Variants in FOXK1 observed in about 807,000 individuals in gnomAD.
The protein encoded by FOXK1 is forkhead box K1.
Under a neutral mutation model 51.9 loss-of-function variants are expected in FOXK1, and 19 were observed. The observed-to-expected ratio is 0.37, with a 90% confidence interval of 0.26 to 0.54. The LOEUF is 0.54. Ranked by LOEUF, FOXK1 falls within the 20% of genes least tolerant of loss-of-function variation. The probability of loss-of-function intolerance (pLI) is 0.87; values close to 1 mark genes in which losing one functional copy is unlikely to be tolerated. For synonymous variants in FOXK1, 537 were observed against 482.6 expected (o/e 1.11, Z -1.48); for missense variants, 870 against 1,032.7 (o/e 0.84, Z 2.16).
At chr7:4,699,206 C>T (rs549147754) in intron 1 of FOXK1, among the ~76,000 whole-genome samples, 86 of 152,060 alleles carry the variant, frequency 5.7e-4, no homozygotes, top group African/African-American at 2.1e-3. Flanking sequence ...TACATTTGTC[C>T]GATTTGACAA....
intron 1 of FOXK1, among the ~76,000 whole-genome samples, chr7:4,708,022 G>C (rs1780126613): frequency 1.3e-5 from 2 of 151,974 alleles, no homozygotes; most frequent in Admixed American, 1.3e-4. Flanking sequence ...AAATGTGGAG[G>C]GAGAGAGTGC....
In FOXK1 at chr7:4,701,074, G is replaced by A. The variant is rs556360117; in HGVS notation, c.560+18206G>A. Among the ~76,000 whole-genome samples, 7 of 152,322 alleles carry A rather than the reference G, an allele frequency of 4.6e-5. No homozygotes were observed. In the South Asian group the frequency reaches 1.0e-3, roughly 23 times the overall value. On this transcript the variant is annotated intron_variant, in intron 1 of 8. Transcript: ENST00000328914. ...CCTGCCCCAGCCTGTTCCAGCAGGG[G>A]CGGCCGCTCACCAGCAAGGCTGTCA...
chr7:4,755,353 C>A lies in FOXK1; in HGVS notation c.1020C>A (p.Pro340=), dbSNP rs1286388960. The change falls in exon 4 of 9, where the codon CCC becomes CCA. Residue 340 remains proline (P), a synonymous_variant. Transcript: ENST00000328914. The surrounding 1 kb of genome is among the most constrained non-coding windows in gnomAD (Gnocchi z 6.6). ...ACGCCCACATCACCAAGCATTACCC[C>A]TACTACCGGACGGCCGACAAAGGCT... ...GIYAHITKHY[P]YYRTADKGWQ... 1 of 1,613,698 alleles carries A rather than the reference C, an allele frequency of 6.2e-7. No individual in the cohort carries two copies. Among genetic ancestry groups the A allele is most frequent in the Non-Finnish European group, 8.5e-7 (1 of 1,180,034 alleles).
At position 4,754,447 on chromosome 7, in the gene FOXK1, C is replaced by G. The variant is rs776931128; in HGVS notation, c.747-12C>G. ...AGAGCCATGAACTTACAGTGTCCTT[C>G]TCTCTCCTCAGTGTCCCCAACTCCT... On this transcript the variant is annotated splice_polypyrimidine_tract_variant and intron_variant, in intron 2 of 8. Coordinates refer to ENST00000328914, the MANE Select transcript of FOXK1 (RefSeq NM_001037165.2). 7.4e-6 allele frequency: 12 copies of G among 1,611,826 alleles called. No homozygotes were observed. In the South Asian group the frequency reaches 1.2e-4, roughly 16 times the overall value.
rs1387613631 is a variant in FOXK1, at chr7:4,730,258, C to T, written c.561-10580C>T. On this transcript the variant is annotated intron_variant, in intron 1 of 8. Transcript: ENST00000328914. This position sits in a 1 kb window ranked among gnomAD's most constrained non-coding sequence, Gnocchi z 4.7. ...TTAATTCACACACACCACGCACACC[C>T]CCACATTGTTGTCACTGCGAGAACG... Among the ~76,000 whole-genome samples the T allele has an allele frequency of 6.6e-6, 1 of 152,206 alleles. No individual in the cohort carries two copies. The highest frequency in any genetic ancestry group is 6.5e-5 in the Admixed American group (1 of 15,284).
At chr7:4,686,622 C>A (rs1779822303) in intron 1 of FOXK1, among the ~76,000 whole-genome samples, 1 of 152,106 alleles carries the variant, frequency 6.6e-6, no homozygotes, top group African/African-American at 2.4e-5. Context: ...TCTTCTAGAC[C>A]ATAAGCTCCC....
intron 2 of FOXK1, among the ~76,000 whole-genome samples, chr7:4,744,934 C>T (rs1478612362): frequency 6.6e-6 from 1 of 152,270 alleles, no homozygotes; most frequent in Non-Finnish European, 1.5e-5. Flanking sequence ...CTGTTTACAT[C>T]CGTTTATCTT....
Position 4,764,178 on chromosome 7 carries a change from GTC to G in FOXK1, c.*1715_*1716del, listed in dbSNP as rs1780975935. The G allele has an allele frequency of 6.5e-6, 1 of 153,462 alleles. No individual in the cohort carries two copies. The allele number at this position is 153,462 out of a possible 1,614,324, so 9.5% of individuals were successfully genotyped here. On this transcript the variant is annotated 3_prime_UTR_variant, in exon 9 of 9. Coordinates refer to ENST00000328914, the MANE Select transcript of FOXK1 (RefSeq NM_001037165.2). ...CACACGTGCTGTGCAGTGGAGTGGG[GTC>G]GCCCGTGGCCCCCATCAGAGTCCCC...
In FOXK1 at chr7:4,731,745, C is replaced by T. The variant is rs1474863383; in HGVS notation, c.561-9093C>T. Among the ~76,000 whole-genome samples the T allele has an allele frequency of 3.7e-5, 5 of 135,400 alleles. No homozygotes were observed. Among genetic ancestry groups the T allele is most frequent in the African/African-American group, 5.7e-5 (2 of 35,288 alleles). 88.8% of individuals were successfully genotyped at this position (135,400 alleles called of 152,430 possible). ...CTGCACTCCAGCCTGGGCAACAAAG[C>T]GAAACTCTGCCTCAAAAAAAAAAAA... On this transcript the variant is annotated intron_variant, in intron 1 of 8. Coordinates refer to ENST00000328914, the MANE Select transcript of FOXK1 (RefSeq NM_001037165.2). This position sits in a 1 kb window ranked among gnomAD's most constrained non-coding sequence, Gnocchi z 5.3.
rs113717111 is a variant in FOXK1 at position 4,715,333 on chromosome 7, G to A, written c.561-25505G>A. The stretch of plus-strand genomic sequence containing the variant: ...GCAAAGTGTGTCTCAGAGTGAAGCC[G>A]ATAGGATCAAGCCCAAGTGTTCAGG... On this transcript the variant is annotated intron_variant, in intron 1 of 8. Coordinates refer to ENST00000328914, the MANE Select transcript of FOXK1 (RefSeq NM_001037165.2). This position sits in a 1 kb window ranked among gnomAD's most constrained non-coding sequence, Gnocchi z 4.5. Among the ~76,000 whole-genome samples the A allele has an allele frequency of 0.019, 2,946 of 152,232 alleles. 87 individuals are homozygous for A. Among genetic ancestry groups the A allele is most frequent in the African/African-American group, 0.066 (2,727 of 41,522 alleles).
intron 1 of FOXK1, among the ~76,000 whole-genome samples, chr7:4,690,355 A>G (rs907495642): frequency 6.6e-6 from 1 of 152,268 alleles, no homozygotes; most frequent in East Asian, 1.9e-4. Flanking sequence ...CGGCATCTCC[A>G]AATAAAGGCT....
At chr7:4,710,495 A>C (rs560175831) in intron 1 of FOXK1, among the ~76,000 whole-genome samples, 1 of 152,338 alleles carries the variant, frequency 6.6e-6, no homozygotes, top group South Asian at 2.1e-4. Context: ...GAATCGCTTG[A>C]AGCCAGGAGG....
rs1290058939 is a variant in FOXK1, at chr7:4,703,243, CAG to C, written c.560+20376_560+20377del. 1.3e-5 allele frequency among the ~76,000 whole-genome samples: 2 copies of C among 151,962 alleles called. No homozygotes were observed. Among genetic ancestry groups the C allele is most frequent in the Admixed American group, 1.3e-4 (2 of 15,266 alleles). On this transcript the variant is annotated intron_variant, in intron 1 of 8. Coordinates refer to ENST00000328914, the MANE Select transcript of FOXK1 (RefSeq NM_001037165.2). This position sits in a 1 kb window ranked among gnomAD's most constrained non-coding sequence, Gnocchi z 5.6. ...CAGGCAGGAGCTGGCAATGAGGAGT[CAG>C]GGAGACAGACCTCCAGCCATTGGGC...
chr7:4,701,253 C>CG lies in FOXK1; in HGVS notation c.560+18391dup, dbSNP rs201294053. The stretch of plus-strand genomic sequence containing the variant: ...ATCTAGAGAATGGGAGCTCAAAGGA[C>CG]GGGGGGCTAGAAGAGACAAACTCAG... On this transcript the variant is annotated intron_variant, in intron 1 of 8. Transcript: ENST00000328914. Among the ~76,000 whole-genome samples, 273 of 152,124 alleles carry CG rather than the reference C, an allele frequency of 1.8e-3. 4 individuals carry two copies. The East Asian group carries it at 0.037, about 21-fold the overall frequency.
chr7:4,727,603 G>A (rs1379864244), intron 1 of FOXK1, among the ~76,000 whole-genome samples: 1 of 152,178 alleles, frequency 6.6e-6, no homozygotes, highest in Non-Finnish European at 1.5e-5. Flanking sequence ...GCTTAGCCAC[G>A]GCGCCCGGCC....
chr7:4,768,865 C>T lies in FOXK1; in HGVS notation c.*6401C>T, dbSNP rs1004814196. 2 of 152,242 alleles carry T rather than the reference C, an allele frequency of 1.3e-5. No individual in the cohort carries two copies. The highest frequency in any genetic ancestry group is 2.9e-5 in the Non-Finnish European group (2 of 68,092). 9.4% of individuals were successfully genotyped at this position (152,242 alleles called of 1,614,324 possible). A position where few individuals can be genotyped will look rare whatever the true frequency, so the allele number is the denominator to read the frequency against. On this transcript the variant is annotated 3_prime_UTR_variant, in exon 9 of 9. Transcript: ENST00000328914. ...CAGACTCCTGCCCTGAGAAACAGCCCAGTCCTTGGAGAATGAAACCCTGAG... is the reference window on the plus strand; with the variant it reads ...CAGACTCCTGCCCTGAGAAACAGCCTAGTCCTTGGAGAATGAAACCCTGAG...
intron 1 of FOXK1, among the ~76,000 whole-genome samples, chr7:4,695,876 C>T (rs112342053): frequency 0.032 from 4,724 of 148,580 alleles, 108 homozygotes; most frequent in Non-Finnish European, 0.049. Flanking sequence ...GGAGAGATTG[C>T]GGTGAGCCGA....
In FOXK1 at chr7:4,682,974, C is replaced by T; in HGVS notation, c.560+106C>T. On this transcript the variant is annotated intron_variant, in intron 1 of 8. Coordinates refer to ENST00000328914, the MANE Select transcript of FOXK1 (RefSeq NM_001037165.2). The surrounding 1 kb of genome is among the most constrained non-coding windows in gnomAD (Gnocchi z 7.6). ...CCCCTCCAGCTTCCTCGGCCTCGAC[C>T]CCCACCCCCCGGCCCACCCCCGGTA... is the stretch of plus-strand genomic sequence containing the variant. The T allele has an allele frequency of 8.4e-7, 1 of 1,196,734 alleles. No homozygotes were observed. The highest frequency in any genetic ancestry group is 1.1e-6 in the Non-Finnish European group (1 of 902,642). 74.1% of individuals were successfully genotyped at this position (1,196,734 alleles called of 1,614,324 possible).
At chr7:4,750,431 C>T (rs73305338) in intron 2 of FOXK1, among the ~76,000 whole-genome samples, 7,182 of 151,390 alleles carry the variant, frequency 0.047, 572 homozygotes, top group African/African-American at 0.16. Flanking sequence ...ACGTGTATGC[C>T]GTCGTTTTCA....
Sources: gnomAD v4.1 joint callset for allele counts (sites outside exome capture counted in the v4.1 genomes callset) on GRCh38, gnomAD v4.1.1 for gene constraint, Gnocchi (gnomAD v3.1) non-coding constraint, MANE v1.5 for transcripts, NCBI Gene and HGNC (gene_info 2026-07-23, HGNC 2026-07-21) for gene names.